VCPIP1: variants seen among roughly 807,000 people sequenced by gnomAD.
VCPIP1 encodes the protein deubiquitinating protein VCPIP1.
VCPIP1 carries 8 observed loss-of-function variants against 85.0 expected under a neutral mutation model. The ratio of observed to expected loss-of-function variants is 0.09; its 90% CI spans 0.06 to 0.17. VCPIP1 has a LOEUF of 0.17. VCPIP1 is among the 10% of genes least tolerant of loss of function. VCPIP1 has a pLI of 1.00. For synonymous variants in VCPIP1, 543 were observed against 544.5 expected (o/e 1.00, Z 0.04); for missense variants, 1,070 against 1,486.3 (o/e 0.72, Z 4.61).
intron 2 of VCPIP1, among the ~76,000 whole-genome samples, chr8:66,646,975 A>G (rs570690666): frequency 3.3e-5 from 5 of 152,254 alleles, no homozygotes; most frequent in African/African-American, 7.2e-5. Context: ...CAGTGAGCCA[A>G]TATCTCACCA....
chr8:66,652,963 T>C (rs1811067675), intron 1 of VCPIP1, among the ~76,000 whole-genome samples: 1 of 152,202 alleles, frequency 6.6e-6, no homozygotes, highest in South Asian at 2.1e-4. Context: ...CTCTGAATAG[T>C]TGTGACTGAC....
chr8:66,640,445 C>G (rs918058825), intron 2 of VCPIP1, among the ~76,000 whole-genome samples: 1 of 152,170 alleles, frequency 6.6e-6, no homozygotes, highest in African/African-American at 2.4e-5. Context: ...GACTCTGATA[C>G]AGAAAGGAGG....
chr8:66,663,300 C>T (rs1335437164), intron 1 of VCPIP1, among the ~76,000 whole-genome samples: 1 of 151,878 alleles, frequency 6.6e-6, no homozygotes, highest in Non-Finnish European at 1.5e-5. Flanking sequence ...AGATTAAGGC[C>T]CAAATCACTG....
In VCPIP1 at chr8:66,664,466, T is replaced by C; in HGVS notation, c.2493A>G (p.Ala831=). The C allele has an allele frequency of 6.2e-7, 1 of 1,613,992 alleles. No homozygotes were observed. The highest frequency in any genetic ancestry group is 8.5e-7 in the Non-Finnish European group (1 of 1,179,882). ...FPPKELMPPQ[A]GMEKEPVPLQ... Reference sequence around the variant, plus strand: ...AAGGAACTGGTTCCTTTTCCATTCCTGCCTGTGGTGGCATTAACTCTTTAG... The same window carrying C: ...AAGGAACTGGTTCCTTTTCCATTCCCGCCTGTGGTGGCATTAACTCTTTAG... The change falls in exon 1 of 3, where the codon GCA becomes GCG. Residue 831 remains alanine (A), a synonymous_variant. Transcript: ENST00000310421.
At chr8:66,656,993 C>T (rs1270755216) in intron 1 of VCPIP1, among the ~76,000 whole-genome samples, 1 of 152,068 alleles carries the variant, frequency 6.6e-6, no homozygotes, top group Non-Finnish European at 1.5e-5. Flanking sequence ...GAAACCTCCA[C>T]TTCCCGGGTT....
At chr8:66,655,730 C>T (rs947350728) in intron 1 of VCPIP1, among the ~76,000 whole-genome samples, 3 of 151,886 alleles carry the variant, frequency 2.0e-5, no homozygotes, top group Non-Finnish European at 2.9e-5. Flanking sequence ...CCATTTTATT[C>T]GAAAGCAAAC....
chr8:66,634,433 A>G lies in VCPIP1; in HGVS notation c.*68T>C. The G allele has an allele frequency of 1.3e-6, 2 of 1,499,712 alleles. No homozygotes were observed. Among genetic ancestry groups the G allele is most frequent in the Non-Finnish European group, 1.8e-6 (2 of 1,121,130 alleles). 92.9% of individuals were successfully genotyped at this position (1,499,712 alleles called of 1,614,324 possible). On this transcript the variant is annotated 3_prime_UTR_variant, in exon 3 of 3. Transcript: ENST00000310421. Reference sequence around the variant, plus strand: ...AAGATTTTTAATGACTAATCAAGTTACGTGGCCCAGCCAACAAATATTACA... The same window carrying G: ...AAGATTTTTAATGACTAATCAAGTTGCGTGGCCCAGCCAACAAATATTACA...
At chr8:66,637,976 CG>C (rs1563566446) in intron 2 of VCPIP1, among the ~76,000 whole-genome samples, 2 of 152,010 alleles carry the variant, frequency 1.3e-5, no homozygotes, top group African/African-American at 4.8e-5. Flanking sequence ...CGTCTCAAAA[CG>C]AAACAAAACA....
intron 2 of VCPIP1, among the ~76,000 whole-genome samples, chr8:66,637,698 G>A (rs144233417): frequency 0.021 from 3,044 of 147,308 alleles, 95 homozygotes; most frequent in African/African-American, 0.07. Context: ...GGCCGGGCAC[G>A]GTGGCTCACA....
In VCPIP1 at chr8:66,666,194, A is replaced by T; in HGVS notation, c.765T>A (p.Ala255=). Residue 255 remains alanine (A), a synonymous_variant, in exon 1 of 3, where the codon GCT becomes GCA. Transcript: ENST00000310421. This position sits in a 1 kb window ranked among gnomAD's most constrained non-coding sequence, Gnocchi z 6.3. ...CAGCATCAATGAAGTCATGGAACAGAGCTTGATATCGGGCCAGGTGCTGCT... is the reference window on the plus strand; with the variant it reads ...CAGCATCAATGAAGTCATGGAACAGTGCTTGATATCGGGCCAGGTGCTGCT... The part of the protein sequence containing the change: ...HFQQHLARYQ[A]LFHDFIDAAE... The T allele has an allele frequency of 6.2e-7, 1 of 1,614,056 alleles. No individual in the cohort carries two copies. Among genetic ancestry groups the T allele is most frequent in the Non-Finnish European group, 8.5e-7 (1 of 1,179,950 alleles).
chr8:66,640,098 T>C (rs574856023), intron 2 of VCPIP1, among the ~76,000 whole-genome samples: 1 of 152,212 alleles, frequency 6.6e-6, no homozygotes, highest in Non-Finnish European at 1.5e-5. Flanking sequence ...ATAATAGTAA[T>C]AATTTGCCAC....
rs887548395 is a variant in VCPIP1 at position 66,631,868 on chromosome 8, CA to C, written c.*2632del. ...GCATCTTGTTTTCTTCAATTTACAA[CA>C]ATTTCTCATTACCAGTATTCTAGAT... On this transcript the variant is annotated 3_prime_UTR_variant, in exon 3 of 3. Coordinates refer to ENST00000310421, the MANE Select transcript of VCPIP1 (RefSeq NM_025054.5). 6.6e-6 allele frequency: 1 copy of C among 152,406 alleles called. No individual in the cohort carries two copies. Among genetic ancestry groups the C allele is most frequent in the Non-Finnish European group, 1.5e-5 (1 of 67,920 alleles). The allele number at this position is 152,406 out of a possible 1,614,324, so 9.4% of individuals were successfully genotyped here. A position where few individuals can be genotyped will look rare whatever the true frequency, so the allele number is the denominator to read the frequency against.
intron 1 of VCPIP1, among the ~76,000 whole-genome samples, chr8:66,656,868 C>T (rs1811105392): frequency 1.4e-5 from 2 of 144,260 alleles, no homozygotes; most frequent in Non-Finnish European, 2.9e-5. Flanking sequence ...CTCGGCCTAC[C>T]AAAGTAGGCC....
intron 2 of VCPIP1, among the ~76,000 whole-genome samples, chr8:66,642,591 G>A (rs1279716582): frequency 1.3e-5 from 2 of 152,076 alleles, no homozygotes; most frequent in Non-Finnish European, 2.9e-5. Flanking sequence ...TTTGTATATG[G>A]TGTGAGGCAG....
At chr8:66,659,698 G>A (rs559773238) in intron 1 of VCPIP1, among the ~76,000 whole-genome samples, 33 of 152,258 alleles carry the variant, frequency 2.2e-4, no homozygotes, top group East Asian at 1.3e-3. Context: ...TTGGGAAGCC[G>A]AGGCGGTGGA....
chr8:66,641,364 C>CAT (rs954902421), intron 2 of VCPIP1, among the ~76,000 whole-genome samples: 23 of 151,974 alleles, frequency 1.5e-4, no homozygotes, highest in African/African-American at 5.1e-4. Context: ...TGGTTTGGGA[C>CAT]ATATATATAT....
At chr8:66,658,015 G>A (rs960581445) in intron 1 of VCPIP1, among the ~76,000 whole-genome samples, 13 of 152,180 alleles carry the variant, frequency 8.5e-5, no homozygotes, top group African/African-American at 3.1e-4. Context: ...TAAATCAACA[G>A]AAGGGCTATC....
intron 1 of VCPIP1, among the ~76,000 whole-genome samples, chr8:66,655,705 G>C (rs989499515): frequency 6.6e-6 from 1 of 152,070 alleles, no homozygotes; most frequent in African/African-American, 2.4e-5. Flanking sequence ...AAAAAAAAGG[G>C]AAATAGTTTT....
At chr8:66,638,936 T>TTCTCTCTCTCTCTCTCTCTCTCTCTCTC (rs750894538) in intron 2 of VCPIP1, among the ~76,000 whole-genome samples, 2 of 131,676 alleles carry the variant, frequency 1.5e-5, no homozygotes, top group East Asian at 2.1e-4. Context: ...CAAGAAAACT[T>TTCTCTCTCTCTCTCTCTCTCTCTCTCTC]TCTCTCTCTC....
Sources: gnomAD v4.1 joint callset for allele counts (sites outside exome capture counted in the v4.1 genomes callset) on GRCh38, gnomAD v4.1.1 for gene constraint, Gnocchi (gnomAD v3.1) non-coding constraint, MANE v1.5 for transcripts, NCBI Gene and HGNC (gene_info 2026-07-23, HGNC 2026-07-21) for gene names.